PLCL1: variants seen among roughly 807,000 people sequenced by gnomAD.
PLCL1 encodes the protein phospholipase C like 1 (inactive), also known as inactive phospholipase C-like protein 1.
Under a neutral mutation model 84.4 loss-of-function variants are expected in PLCL1, and 41 were observed. The ratio of observed to expected loss-of-function variants is 0.49; its 90% CI spans 0.38 to 0.63. The LOEUF (loss-of-function observed/expected upper bound fraction) is 0.63. Ranked by LOEUF, PLCL1 falls within the 30% of genes least tolerant of loss-of-function variation. PLCL1 has a pLI of 0.00. For missense variants in PLCL1, 1,206 were observed against 1,367.8 expected (o/e 0.88, Z 1.87); for synonymous variants, 490 against 488.3 (o/e 1.00, Z -0.05).
chr2:197,987,693 A>G (rs1265413842), intron 1 of PLCL1, among the ~76,000 whole-genome samples: 1 of 152,244 alleles, frequency 6.6e-6, no homozygotes, highest in Non-Finnish European at 1.5e-5. Flanking sequence ...ACTGAAGAAT[A>G]ACAGAACAGC....
At chr2:197,882,098 TA>T (rs1189647190) in intron 1 of PLCL1, among the ~76,000 whole-genome samples, 4 of 152,072 alleles carry the variant, frequency 2.6e-5, no homozygotes, top group Non-Finnish European at 5.9e-5. Context: ...TATAAATATT[TA>T]AAACATTTTA....
chr2:197,946,831 A>G (rs894608074), intron 1 of PLCL1, among the ~76,000 whole-genome samples: 1 of 152,278 alleles, frequency 6.6e-6, no homozygotes, highest in East Asian at 1.9e-4. Context: ...CAACATTTAA[A>G]AAGCCTCTCT....
chr2:198,024,264 G>A lies in PLCL1; in HGVS notation c.241-59494G>A, dbSNP rs573784536. ...GCCTATCAGGGGTTGGCAGGCAAGG[G>A]GAGGGATAGCATTAGGAGAAATACC... On this transcript the variant is annotated intron_variant, in intron 1 of 5. Transcript: ENST00000428675. Among the ~76,000 whole-genome samples, 678 of 152,248 alleles carry A rather than the reference G, an allele frequency of 4.5e-3. 5 individuals carry two copies. The highest frequency in any genetic ancestry group is 0.016 in the African/African-American group (649 of 41,538).
chr2:198,084,690 T>C lies in PLCL1; in HGVS notation c.1173T>C (p.Pro391=). The change falls in exon 2 of 6, where the codon CCT becomes CCC. Residue 391 remains proline, a synonymous_variant. Transcript: ENST00000428675. ...CATCAGAATGTGACATTTTTGATCC[T>C]GAGCAAAAGAAGGTTGCCCAAGATA... ...LLSSECDIFD[P]EQKKVAQDMT... 1 of 1,614,008 alleles carries C rather than the reference T, an allele frequency of 6.2e-7. No individual in the cohort carries two copies. The highest frequency in any genetic ancestry group is 8.5e-7 in the Non-Finnish European group (1 of 1,179,902).
rs147156733 is a variant in PLCL1 at position 198,075,618 on chromosome 2, C to G, written c.241-8140C>G. ...CTTTACATGAAAGCAGCTGACACTACAAAGGACGTAGTACTTCTGTTTAAT... is the reference window on the plus strand; with the variant it reads ...CTTTACATGAAAGCAGCTGACACTAGAAAGGACGTAGTACTTCTGTTTAAT... On this transcript the variant is annotated intron_variant, in intron 1 of 5. Coordinates refer to ENST00000428675, the MANE Select transcript of PLCL1 (RefSeq NM_006226.4). Among the ~76,000 whole-genome samples, 15 of 152,318 alleles carry G rather than the reference C, an allele frequency of 9.8e-5. No homozygotes were observed. In the East Asian group the frequency reaches 2.9e-3, roughly 29 times the overall value.
intron 1 of PLCL1, among the ~76,000 whole-genome samples, chr2:197,907,497 G>A (rs1415333939): frequency 6.6e-6 from 1 of 152,038 alleles, no homozygotes; most frequent in East Asian, 1.9e-4. Context: ...CTAACTCAGT[G>A]TAGGTTGTTC....
intron 5 of PLCL1, among the ~76,000 whole-genome samples, chr2:198,124,265 C>T (rs1693937377): frequency 1.3e-5 from 2 of 152,102 alleles, no homozygotes; most frequent in Non-Finnish European, 2.9e-5. Flanking sequence ...AACAAATACA[C>T]ACATTGTTAC....
At chr2:197,984,926 A>G (rs1690189995) in intron 1 of PLCL1, among the ~76,000 whole-genome samples, 1 of 150,602 alleles carries the variant, frequency 6.6e-6, no homozygotes, top group South Asian at 2.1e-4. Context: ...AAAAATCCTC[A>G]CTTTCATTAT....
In PLCL1 at chr2:198,014,913, TC is replaced by T. The variant is rs763839328; in HGVS notation, c.241-68839del. On this transcript the variant is annotated intron_variant, in intron 1 of 5. Transcript: ENST00000428675. ...AACGTAGGCTTATTACAGGAATTTT[TC>T]CCCCCATATATTTTTGAGCCTCATG... Among the ~76,000 whole-genome samples, 6 of 152,158 alleles carry T rather than the reference TC, an allele frequency of 3.9e-5. No individual in the cohort carries two copies. The East Asian group carries it at 9.7e-4, about 25-fold the overall frequency.
At chr2:198,052,189 G>A (rs1383589903) in intron 1 of PLCL1, among the ~76,000 whole-genome samples, 2 of 152,160 alleles carry the variant, frequency 1.3e-5, no homozygotes, top group South Asian at 2.1e-4. Flanking sequence ...TGGGATTACA[G>A]GCGTGAGCCA....
At chr2:197,857,637 C>G (rs140609885) in intron 1 of PLCL1, among the ~76,000 whole-genome samples, 88 of 152,148 alleles carry the variant, frequency 5.8e-4, no homozygotes, top group African/African-American at 2.1e-3. Context: ...TAGTGAAGGT[C>G]ATTTGAAAGG....
intron 5 of PLCL1, among the ~76,000 whole-genome samples, chr2:198,105,427 T>A (rs1254254718): frequency 6.6e-6 from 1 of 152,012 alleles, no homozygotes; most frequent in African/African-American, 2.4e-5. Context: ...AGCCTTGTAG[T>A]ATCGTTTGAA....
At chr2:198,028,813 C>T (rs1691337084) in intron 1 of PLCL1, among the ~76,000 whole-genome samples, 2 of 151,988 alleles carry the variant, frequency 1.3e-5, no homozygotes, top group African/African-American at 4.8e-5. Flanking sequence ...TGACTTTGGC[C>T]CATTCGTACA....
At chr2:197,836,793 T>C (rs999308757) in intron 1 of PLCL1, among the ~76,000 whole-genome samples, 1 of 152,226 alleles carries the variant, frequency 6.6e-6, no homozygotes, top group African/African-American at 2.4e-5. Context: ...TGATCATGGC[T>C]CACTGTTGCC....
intron 1 of PLCL1, among the ~76,000 whole-genome samples, chr2:198,042,216 A>G (rs191543239): frequency 7.9e-5 from 12 of 152,346 alleles, no homozygotes. Flanking sequence ...CCTTGCTGTT[A>G]TGAGGAAAAG....
chr2:197,869,413 GT>G (rs1687606744), intron 1 of PLCL1, among the ~76,000 whole-genome samples: 1 of 151,662 alleles, frequency 6.6e-6, no homozygotes, highest in Admixed American at 6.6e-5. Context: ...AACAAAAATA[GT>G]GATTATTTTG....
intron 1 of PLCL1, among the ~76,000 whole-genome samples, chr2:197,892,088 G>A (rs773247609): frequency 6.6e-6 from 1 of 152,160 alleles, no homozygotes; most frequent in Non-Finnish European, 1.5e-5. Context: ...CCCTTTCTCT[G>A]TGCAAATAAC....
chr2:197,822,123 T>C (rs1397760934), intron 1 of PLCL1, among the ~76,000 whole-genome samples: 1 of 152,106 alleles, frequency 6.6e-6, no homozygotes, highest in East Asian at 1.9e-4. Context: ...AAGAACAACT[T>C]AGGATGCCTT....
rs376527975 is a variant in PLCL1, at chr2:198,085,216, A to G, written c.1699A>G (p.Arg567Gly). Residue 567 changes from arginine (R) to glycine (G), a missense_variant, in exon 2 of 6, where the codon AGG becomes GGG. Transcript: ENST00000428675. The surrounding 1 kb of genome is among the most constrained non-coding windows in gnomAD (Gnocchi z 5.3). ...AGATGAAGAAGCTGAAATGTCTCGA[A>G]GGATGTCGGTAGATTACAATGGTGA... is the stretch of plus-strand genomic sequence containing the variant. Reference protein sequence around the residue: ...DEDEEAEMSRRMSVDYNGEQK... With the variant: ...DEDEEAEMSRGMSVDYNGEQK... 4.3e-6 allele frequency: 7 copies of G among 1,613,902 alleles called. No individual in the cohort carries two copies. In the African/African-American group the frequency reaches 8.0e-5, roughly 18 times the overall value.
Sources: gnomAD v4.1 joint callset for allele counts (sites outside exome capture counted in the v4.1 genomes callset) on GRCh38, gnomAD v4.1.1 for gene constraint, Gnocchi (gnomAD v3.1) non-coding constraint, MANE v1.5 for transcripts, NCBI Gene and HGNC (gene_info 2026-07-23, HGNC 2026-07-21) for gene names.